ZXDC: variants seen among roughly 807,000 people sequenced by gnomAD.
ZXDC encodes the protein ZXD family zinc finger C.
In ZXDC, 58 loss-of-function variants were observed where a neutral mutation model predicts 63.6. The ratio of observed to expected loss-of-function variants is 0.91; its 90% confidence interval spans 0.74 to 1.13. ZXDC has a LOEUF of 1.13. Among genes scored for constraint, ZXDC ranks in the 50% most tolerant of loss-of-function variants. The probability of loss-of-function intolerance (pLI) is 0.00; values close to 1 mark genes in which losing one functional copy is unlikely to be tolerated. For missense variants in ZXDC, 1,133 were observed against 1,148.9 expected, an observed-to-expected ratio of 0.99 and a Z score of 0.20; for synonymous variants, 561 against 496.1, an observed-to-expected ratio of 1.13 and a Z score of -1.74.
At chr3:126,447,710 T>C (rs1488145671) in intron 7 of ZXDC, among the ~76,000 whole-genome samples, 1 of 152,222 alleles carries the variant, frequency 6.6e-6, no homozygotes, top group African/African-American at 2.4e-5. Context: ...ATATTTGTGA[T>C]GTTTTCAAAT....
At chr3:126,450,465 C>T (rs1444370316) in intron 7 of ZXDC, 15 of 456,636 alleles carry the variant, frequency 3.3e-5, no homozygotes, top group Middle Eastern at 3.2e-4. Context: ...GCCCCTGCAT[C>T]CTCAAAGATG....
intron 7 of ZXDC, chr3:126,453,789 G>A: frequency 1.0e-6 from 1 of 978,080 alleles, no homozygotes; most frequent in South Asian, 4.7e-5. Flanking sequence ...CTGCCTCCCG[G>A]GTTCAAGCGA....
At chr3:126,444,820 T>C (rs1933820549) in intron 7 of ZXDC, among the ~76,000 whole-genome samples, 1 of 152,226 alleles carries the variant, frequency 6.6e-6, no homozygotes, top group Non-Finnish European at 1.5e-5. Flanking sequence ...GCCATTCGAA[T>C]CATGGGAAAA....
At position 126,452,139 on chromosome 3, in the gene ZXDC, ATCCTGGGC is replaced by A. The variant is rs1469673833; in HGVS notation, c.2212+7506_2212+7513del. 3.0e-6 allele frequency: 3 copies of A among 985,270 alleles called. No individual in the cohort carries two copies. In the African/African-American group the frequency reaches 5.2e-5, roughly 17 times the overall value. 61.0% of individuals were successfully genotyped at this position (985,270 alleles called of 1,614,324 possible). On this transcript the variant is annotated intron_variant, in intron 7 of 9. Transcript: ENST00000389709. ...CCCAGGTCGGTGCCCAGTGCGCTGG[ATCCTGGGC>A]TCCTGGCTCTGCCACGCAGCCCCAG...
At chr3:126,445,454 C>T (rs1933847242) in intron 7 of ZXDC, among the ~76,000 whole-genome samples, 1 of 151,992 alleles carries the variant, frequency 6.6e-6, no homozygotes, top group Admixed American at 6.6e-5. Flanking sequence ...TATTATTCTA[C>T]AGGATGCTTC....
At chr3:126,450,718 G>C in intron 7 of ZXDC, 1 of 352,382 alleles carries the variant, frequency 2.8e-6, no homozygotes, top group East Asian at 7.5e-5. Flanking sequence ...CTTGGACCAG[G>C]TGTGCAAAGA....
chr3:126,458,682 C>G (rs893301344), intron 7 of ZXDC: 8 of 985,382 alleles, frequency 8.1e-6, no homozygotes, highest in Non-Finnish European at 9.6e-6. Context: ...CTTTTTTCTT[C>G]AAGATTATCT....
At position 126,474,248 on chromosome 3, in the gene ZXDC, T is replaced by C. The variant is rs377464528; in HGVS notation, c.907+711A>G. On this transcript the variant is annotated intron_variant, in intron 1 of 9. Coordinates refer to ENST00000389709, the MANE Select transcript of ZXDC (RefSeq NM_025112.5). ...CCCGGCTAATTTTTTGTAGTTTTAATAGAGACGGGGTTTCACCGTGTTAGC... is the reference window on the plus strand; with the variant it reads ...CCCGGCTAATTTTTTGTAGTTTTAACAGAGACGGGGTTTCACCGTGTTAGC... Among the ~76,000 whole-genome samples the C allele has an allele frequency of 5.3e-5, 8 of 152,136 alleles. No individual in the cohort carries two copies. The South Asian group carries it at 6.2e-4, about 12-fold the overall frequency.
At position 126,440,195 on chromosome 3, in the gene ZXDC, G is replaced by A. The variant is rs1028225738; in HGVS notation, c.2395-468C>T. ...GGGCAGGTAGAGGGGCTCCTGAGAG[G>A]GGAGGCTGCCAGGCCCCTCACAGTC... On this transcript the variant is annotated intron_variant, in intron 8 of 9. Transcript: ENST00000389709. 3 of 998,688 alleles carry A rather than the reference G, an allele frequency of 3.0e-6. No homozygotes were observed. The African/African-American group carries it at 5.2e-5, about 17-fold the overall frequency. 61.9% of individuals were successfully genotyped at this position (998,688 alleles called of 1,614,324 possible).
At chr3:126,455,101 A>G (rs1338428986) in intron 7 of ZXDC, 2 of 985,286 alleles carry the variant, frequency 2.0e-6, no homozygotes, top group African/African-American at 3.5e-5. Context: ...GACTTATTAC[A>G]GGTCCATAGT....
intron 7 of ZXDC, chr3:126,458,540 T>C: frequency 1.0e-6 from 1 of 976,924 alleles, no homozygotes; most frequent in Non-Finnish European, 1.2e-6. Flanking sequence ...ACCTGGCCAA[T>C]GTCCTTACTT....
chr3:126,454,620 CA>C, intron 7 of ZXDC: 1 of 985,432 alleles, frequency 1.0e-6, no homozygotes, highest in Non-Finnish European at 1.2e-6. Context: ...GAGGTGCCCT[CA>C]TTACACTTCA....
intron 5 of ZXDC, 98 bp from the exon 6 acceptor site, chr3:126,462,318 G>A: frequency 6.8e-7 from 1 of 1,472,116 alleles, no homozygotes; most frequent in Non-Finnish European, 8.9e-7. Flanking sequence ...CCCCAAGGAA[G>A]CACTGACTGT....
chr3:126,445,134 C>T (rs1182130159), intron 7 of ZXDC, among the ~76,000 whole-genome samples: 1 of 152,220 alleles, frequency 6.6e-6, no homozygotes, highest in African/African-American at 2.4e-5. Flanking sequence ...AGAAGAAACA[C>T]CACCACTAAT....
At chr3:126,443,543 T>C in intron 7 of ZXDC, 1 of 152,238 alleles carries the variant, frequency 6.6e-6, no homozygotes. Context: ...AGTGAGAACA[T>C]GCTGTTGGAA....
At chr3:126,449,882 C>T (rs1335582448) in intron 7 of ZXDC, among the ~76,000 whole-genome samples, 2 of 152,306 alleles carry the variant, frequency 1.3e-5, no homozygotes, top group East Asian at 3.9e-4. Flanking sequence ...ACAAGAAAGG[C>T]GTCAAAGTTA....
At chr3:126,450,219 C>T (rs961582332) in intron 7 of ZXDC, 28 of 411,854 alleles carry the variant, frequency 6.8e-5, no homozygotes, top group African/African-American at 4.1e-4. Flanking sequence ...CCTTGCTCAC[C>T]CTTTACCTGC....
intron 7 of ZXDC, chr3:126,457,672 A>C: frequency 1.0e-6 from 1 of 985,038 alleles, no homozygotes; most frequent in Non-Finnish European, 1.2e-6. Context: ...GGGTAAAAAA[A>C]CGAGAAGCTG....
At chr3:126,439,546 G>A (rs1933591782) in intron 9 of ZXDC, 86 bp downstream of exon 9, 1 of 1,548,906 alleles carries the variant, frequency 6.5e-7, no homozygotes, top group African/African-American at 1.4e-5. Context: ...TCAGTGACCA[G>A]CCTGCAGCTG....
Sources: allele counts gnomAD v4.1 joint callset (sites outside exome capture counted in the v4.1 genomes callset), GRCh38; gene constraint gnomAD v4.1.1; transcripts MANE v1.5; gene names NCBI Gene and HGNC (gene_info 2026-07-23, HGNC 2026-07-21).